The following KLHL4 variants were observed in gnomAD, a reference collection of about 807,000 sequenced individuals.
KLHL4 encodes the protein kelch-like protein 4.
A neutral mutation model predicts 45.8 loss-of-function variants in KLHL4; 17 were observed. That is an observed-to-expected ratio of 0.37 (90% CI 0.25 to 0.56). The LOEUF (loss-of-function observed/expected upper bound fraction) is 0.56. KLHL4 is among the 20% of genes least tolerant of loss of function. The pLI, the probability that KLHL4 is intolerant of heterozygous loss-of-function variation, is 0.79. For synonymous variants in KLHL4, 224 were observed against 189.9 expected (o/e 1.18, Z -1.47); for missense variants, 544 against 544.9 (o/e 1.00, Z 0.02).
intron 4 of KLHL4, among the ~76,000 whole-genome samples, chrX:87,621,207 T>C (rs1389252902): frequency 8.9e-6 from 1 of 111,840 alleles, no homozygotes; most frequent in Non-Finnish European, 1.9e-5. Flanking sequence ...GCTTAAACTG[T>C]TCCTGGAATA....
At chrX:87,533,269 G>A (rs1477615676) in intron 1 of KLHL4, among the ~76,000 whole-genome samples, 17 of 103,146 alleles carry the variant, frequency 1.6e-4, no homozygotes, top group Admixed American at 1.2e-3. Context: ...GTTTATTGCG[G>A]CACTATTCAC....
chrX:87,635,816 T>C (rs2294957), intron 9 of KLHL4, 41 bp downstream of exon 9: 18 of 994,491 alleles, frequency 1.8e-5, no homozygotes, highest in Non-Finnish European at 2.4e-5. Flanking sequence ...ATTATTTGGT[T>C]ATTTAATTTT....
intron 1 of KLHL4, among the ~76,000 whole-genome samples, chrX:87,558,061 G>A (rs953982426): frequency 1.1e-4 from 12 of 111,854 alleles, no homozygotes; most frequent in African/African-American, 2.6e-4. Context: ...GCCACTTTGG[G>A]CCTTACTGTT....
At chrX:87,523,789 C>G (rs1186605139) in intron 1 of KLHL4, among the ~76,000 whole-genome samples, 2 of 109,739 alleles carry the variant, frequency 1.8e-5, no homozygotes, top group Non-Finnish European at 3.8e-5. Context: ...ATAGTGAAAC[C>G]CCGTCTGTAC....
At chrX:87,609,135 A>G (rs980864108) in intron 1 of KLHL4, among the ~76,000 whole-genome samples, 8 of 111,927 alleles carry the variant, frequency 7.1e-5, no homozygotes, top group African/African-American at 2.3e-4. Context: ...TATATGTGCC[A>G]CATTTCCTTA....
At chrX:87,535,024 T>C (rs1017376477) in intron 1 of KLHL4, among the ~76,000 whole-genome samples, 1 of 112,075 alleles carries the variant, frequency 8.9e-6, no homozygotes, top group Non-Finnish European at 1.9e-5. Flanking sequence ...TATGAAGTAT[T>C]GTAGATACAC....
intron 4 of KLHL4, 23 bp from the exon 5 acceptor site, chrX:87,622,188 A>C: frequency 9.2e-7 from 1 of 1,084,488 alleles, no homozygotes; most frequent in Non-Finnish European, 1.3e-6. Flanking sequence ...GCAAAGTTTT[A>C]GTAGATGACC....
At chrX:87,617,870 A>G in intron 3 of KLHL4, 62 bp from the exon 4 acceptor site, 1 of 963,984 alleles carries the variant, frequency 1.0e-6, no homozygotes, top group Non-Finnish European at 1.4e-6. Flanking sequence ...AATGTCAACT[A>G]GTTGACGTAG....
chrX:87,601,061 G>A (rs143744286), intron 1 of KLHL4, among the ~76,000 whole-genome samples: 169 of 111,635 alleles, frequency 1.5e-3, no homozygotes, highest in African/African-American at 3.4e-3. Context: ...TATGTTACCA[G>A]CAGCGAATCC....
intron 1 of KLHL4, among the ~76,000 whole-genome samples, chrX:87,591,765 G>A (rs1432608947): frequency 9.0e-6 from 1 of 111,694 alleles, no homozygotes; most frequent in Non-Finnish European, 1.9e-5. Flanking sequence ...CAGGGTATAT[G>A]AGATATTTTG....
At chrX:87,546,644 C>T (rs1931690622) in intron 1 of KLHL4, among the ~76,000 whole-genome samples, 1 of 111,895 alleles carries the variant, frequency 8.9e-6, no homozygotes, top group Non-Finnish European at 1.9e-5. Flanking sequence ...GGTAGATCCA[C>T]CAACAGGTTG....
At chrX:87,630,370 T>G (rs997595105) in intron 6 of KLHL4, among the ~76,000 whole-genome samples, 4 of 109,657 alleles carry the variant, frequency 3.6e-5, no homozygotes, top group African/African-American at 9.9e-5. Flanking sequence ...GCAAATGAGG[T>G]TTTTTTTTAA....
chrX:87,536,011 C>T (rs967317906), intron 1 of KLHL4, among the ~76,000 whole-genome samples: 3 of 110,626 alleles, frequency 2.7e-5, no homozygotes, highest in Admixed American at 2.0e-4. Flanking sequence ...TCTTGTACAT[C>T]CTGCAGAACC....
At chrX:87,531,444 T>A (rs1931275105) in intron 1 of KLHL4, among the ~76,000 whole-genome samples, 1 of 111,032 alleles carries the variant, frequency 9.0e-6, no homozygotes. Flanking sequence ...GATTTTTGTA[T>A]AAGGTGTAAG....
intron 4 of KLHL4, among the ~76,000 whole-genome samples, chrX:87,618,578 G>A (rs1922643205): frequency 9.0e-6 from 1 of 111,691 alleles, no homozygotes; most frequent in Non-Finnish European, 1.9e-5. Flanking sequence ...TCAGCTCACT[G>A]CAACCTCCGC....
At chrX:87,626,642 A>G (rs1922936457) in intron 6 of KLHL4, among the ~76,000 whole-genome samples, 1 of 87,582 alleles carries the variant, frequency 1.1e-5, no homozygotes, top group African/African-American at 4.1e-5. Context: ...TGAGGGATGT[A>G]TGTAGCTTTA....
chrX:87,614,065 A>G, intron 2 of KLHL4, 21 bp downstream of exon 2: 1 of 1,151,906 alleles, frequency 8.7e-7, no homozygotes, highest in Non-Finnish European at 1.2e-6. Flanking sequence ...TTATGTATAC[A>G]GAATGGTTTT....
At chrX:87,550,939 C>T (rs1189510863) in intron 1 of KLHL4, among the ~76,000 whole-genome samples, 9 of 110,407 alleles carry the variant, frequency 8.2e-5, no homozygotes, top group South Asian at 3.8e-4. Flanking sequence ...TTCTGAGAAC[C>T]GGAAAAAGAC....
intron 9 of KLHL4, among the ~76,000 whole-genome samples, chrX:87,659,959 A>AGTGTGTGTGTGT (rs113545604): frequency 1.9e-5 from 2 of 103,480 alleles, no homozygotes; most frequent in African/African-American, 7.1e-5. Flanking sequence ...TGCGCGTATG[A>AGTGTGTGTGTGT]GTGTGTGTGT....
Sources: gnomAD v4.1 joint callset for allele counts (sites outside exome capture counted in the v4.1 genomes callset) on GRCh38, gnomAD v4.1.1 for gene constraint, MANE v1.5 for transcripts, NCBI Gene and HGNC (gene_info 2026-07-23, HGNC 2026-07-21) for gene names.